Variants in EXTL3 observed in about 807,000 individuals in gnomAD.
EXTL3 encodes the protein exostosin-like 3.
A neutral mutation model predicts 69.3 loss-of-function variants in EXTL3; 27 were observed. The ratio of observed to expected loss-of-function variants is 0.39; its 90% CI spans 0.29 to 0.54. The LOEUF is 0.54. Ranked by LOEUF, EXTL3 falls within the 20% of genes least tolerant of loss-of-function variation. The probability of loss-of-function intolerance (pLI) is 0.69; values close to 1 mark genes in which losing one functional copy is unlikely to be tolerated. For missense variants in EXTL3, 1,003 were observed against 1,231.8 expected (o/e 0.81, Z 2.78); for synonymous variants, 511 against 499.4 (o/e 1.02, Z -0.31).
At chr8:28,656,604 G>A (rs932681141) in intron 1 of EXTL3, among the ~76,000 whole-genome samples, 20 of 152,082 alleles carry the variant, frequency 1.3e-4, no homozygotes, top group Non-Finnish European at 2.9e-4. Context: ...TTGGGATTAG[G>A]AAAGGTTTTG....
At chr8:28,744,761 C>G (rs1041114441) in intron 6 of EXTL3, among the ~76,000 whole-genome samples, 16 of 151,360 alleles carry the variant, frequency 1.1e-4, no homozygotes, top group Non-Finnish European at 1.6e-4. Flanking sequence ...CCACTGCACT[C>G]CAGCCTGGGT....
At chr8:28,641,740 G>T (rs184470092) in intron 1 of EXTL3, among the ~76,000 whole-genome samples, 2 of 149,476 alleles carry the variant, frequency 1.3e-5, no homozygotes, top group Admixed American at 6.7e-5. Flanking sequence ...CCCCTCCGCC[G>T]CGTGGCCTCC....
chr8:28,647,596 A>G (rs2130596565), intron 1 of EXTL3, among the ~76,000 whole-genome samples: 1 of 152,138 alleles, frequency 6.6e-6, no homozygotes, highest in South Asian at 2.1e-4. Context: ...GTCTGTCTCT[A>G]AAGTTCACGC....
chr8:28,654,960 C>T (rs1390333649), intron 1 of EXTL3, among the ~76,000 whole-genome samples: 3 of 152,142 alleles, frequency 2.0e-5, no homozygotes, highest in Non-Finnish European at 4.4e-5. Context: ...GGTGGCAGAC[C>T]TTTGTTTGGG....
chr8:28,650,297 C>G (rs967196137), intron 1 of EXTL3, among the ~76,000 whole-genome samples: 1 of 151,562 alleles, frequency 6.6e-6, no homozygotes, highest in Non-Finnish European at 1.5e-5. Context: ...GGTAGAGGTC[C>G]ATTTTTCTTT....
chr8:28,754,416 G>C lies in EXTL3; in HGVS notation c.*3550G>C, dbSNP rs1179732429. ...TCCTAAGAATGGGTGAGACTTAACA[G>C]TCGGTGTCCCTCCTCAAGTGGGGTT... On this transcript the variant is annotated 3_prime_UTR_variant, in exon 7 of 7. Coordinates refer to ENST00000220562, the MANE Select transcript of EXTL3 (RefSeq NM_001440.4). The C allele has an allele frequency of 6.6e-6, 1 of 151,842 alleles. No individual in the cohort carries two copies. Among genetic ancestry groups the C allele is most frequent in the Non-Finnish European group, 1.5e-5 (1 of 68,088 alleles). The allele number at this position is 151,842 out of a possible 1,614,324, so 9.4% of individuals were successfully genotyped here.
intron 1 of EXTL3, among the ~76,000 whole-genome samples, chr8:28,656,338 T>C (rs541473167): frequency 2.5e-4 from 38 of 152,218 alleles, no homozygotes; most frequent in African/African-American, 9.1e-4. Flanking sequence ...ACCCGGCTAA[T>C]TTTTGTATTT....
intron 4 of EXTL3, 51 bp from the exon 5 acceptor site, chr8:28,737,468 T>C (rs1399808245): frequency 6.2e-7 from 1 of 1,609,188 alleles, no homozygotes; most frequent in Admixed American, 1.7e-5. Flanking sequence ...ACACTTCTGA[T>C]GACCCTAGAG....
chr8:28,639,833 T>C (rs1418998281), intron 1 of EXTL3, among the ~76,000 whole-genome samples: 1 of 152,268 alleles, frequency 6.6e-6, no homozygotes, highest in Non-Finnish European at 1.5e-5. Flanking sequence ...ATGGGCGCAG[T>C]GGCTCATGCC....
At chr8:28,718,284 C>T in intron 3 of EXTL3, 77 bp downstream of exon 3, 2 of 1,412,736 alleles carry the variant, frequency 1.4e-6, no homozygotes, top group Non-Finnish European at 2.0e-6. Flanking sequence ...ACTTCCTTCA[C>T]TTTAGCAATC....
chr8:28,618,953 G>T (rs1230627916), upstream of EXTL3, among the ~76,000 whole-genome samples: 1 of 151,402 alleles, frequency 6.6e-6, no homozygotes, highest in Admixed American at 6.6e-5. Context: ...TTAGCCGGGC[G>T]TGGCAGCACG....
At chr8:28,693,702 A>G (rs2130682297) in intron 1 of EXTL3, among the ~76,000 whole-genome samples, 1 of 152,364 alleles carries the variant, frequency 6.6e-6, no homozygotes, top group Non-Finnish European at 1.5e-5. Context: ...AAAAGGTAAC[A>G]TCAAAGCCAG....
chr8:28,667,769 A>C (rs1807219009), intron 1 of EXTL3, among the ~76,000 whole-genome samples: 2 of 151,470 alleles, frequency 1.3e-5, no homozygotes, highest in East Asian at 3.9e-4. Context: ...GTAAATGACG[A>C]GTTAATGGGT....
intron 3 of EXTL3, among the ~76,000 whole-genome samples, chr8:28,720,770 A>AT (rs990475431): frequency 3.3e-5 from 5 of 152,182 alleles, no homozygotes; most frequent in Admixed American, 3.3e-4. Context: ...CAGAGGGGCG[A>AT]TGGTGAGTGT....
chr8:28,618,327 A>G (rs1193101456), upstream of EXTL3, among the ~76,000 whole-genome samples: 1 of 152,046 alleles, frequency 6.6e-6, no homozygotes, highest in African/African-American at 2.4e-5. Flanking sequence ...ATATAATAAT[A>G]ATAATAGTAA....
At chr8:28,639,293 G>C (rs953874900) in intron 1 of EXTL3, among the ~76,000 whole-genome samples, 1 of 152,022 alleles carries the variant, frequency 6.6e-6, no homozygotes, top group Non-Finnish European at 1.5e-5. Context: ...GTCCAGTCCC[G>C]GGTTCTCAAT....
At chr8:28,617,658 C>A (rs776571753) in intron 2 of EXTL3, among the ~76,000 whole-genome samples, 12 of 152,176 alleles carry the variant, frequency 7.9e-5, no homozygotes, top group Non-Finnish European at 1.3e-4. Flanking sequence ...ATGGCACATG[C>A]CTGTAGTCCC....
At chr8:28,628,871 C>T (rs1021958083) in intron 1 of EXTL3, among the ~76,000 whole-genome samples, 2 of 152,106 alleles carry the variant, frequency 1.3e-5, no homozygotes, top group African/African-American at 2.4e-5. Context: ...CCAGGCTGGT[C>T]TCCAATTCCT....
chr8:28,717,155 G>A lies in EXTL3; in HGVS notation c.1096G>A (p.Glu366Lys). ...TCAGGAGGCCCGCTCCTTCGAAGAG[G>A]AAATGGAGGGCGACCCTCCCGCCGA... ...SLQEARSFEE[E>K]MEGDPPADYD... Residue 366 changes from glutamate (E) to lysine (K), a missense_variant, in exon 3 of 7, where the codon GAA (glutamate) becomes AAA (lysine). Physicochemically the swap from Glu to Lys is moderately conservative, Grantham distance 56. Transcript: ENST00000220562. This position sits in a 1 kb window ranked among gnomAD's most constrained non-coding sequence, Gnocchi z 8.3. 6.2e-7 allele frequency: 1 copy of A among 1,614,240 alleles called. No homozygotes were observed. Among genetic ancestry groups the A allele is most frequent in the Non-Finnish European group, 8.5e-7 (1 of 1,180,040 alleles).
Sources: allele counts gnomAD v4.1 joint callset (sites outside exome capture counted in the v4.1 genomes callset), GRCh38; gene constraint gnomAD v4.1.1; non-coding constraint Gnocchi (gnomAD v3.1); transcripts MANE v1.5; gene names NCBI Gene and HGNC (gene_info 2026-07-23, HGNC 2026-07-21).